CACNA1E: variants seen among roughly 807,000 people sequenced by gnomAD.
The protein encoded by CACNA1E is calcium voltage-gated channel subunit alpha1 E.
In CACNA1E, 40 loss-of-function variants were observed where a neutral mutation model predicts 259.2. That is an observed-to-expected ratio of 0.15 (90% CI 0.12 to 0.20). The LOEUF (loss-of-function observed/expected upper bound fraction) is 0.20, where lower values mean the gene tolerates loss of function less well. Among genes scored for constraint, CACNA1E ranks in the 10% least tolerant of loss-of-function variants. The pLI, the probability that CACNA1E is intolerant of heterozygous loss-of-function variation, is 1.00. For missense variants in CACNA1E, 1,874 were observed against 3,040.1 expected (o/e 0.62, Z 9.02); for synonymous variants, 1,104 against 1,138.5 (o/e 0.97, Z 0.61).
chr1:181,653,586 A>G (rs976741872), intron 7 of CACNA1E, among the ~76,000 whole-genome samples: 3 of 152,178 alleles, frequency 2.0e-5, no homozygotes, highest in African/African-American at 7.2e-5. Context: ...GCTCTAAAGG[A>G]GAATTGATTT....
intron 1 of CACNA1E, among the ~76,000 whole-genome samples, chr1:181,391,921 C>G (rs5005881): frequency 2.0e-5 from 2 of 101,112 alleles, no homozygotes; most frequent in Non-Finnish European, 4.0e-5. Context: ...CTTTCTCTCT[C>G]TCTGTCTCTC....
At chr1:181,390,901 G>A (rs567881614) in intron 1 of CACNA1E, among the ~76,000 whole-genome samples, 1 of 152,180 alleles carries the variant, frequency 6.6e-6, no homozygotes, top group Non-Finnish European at 1.5e-5. Flanking sequence ...GATGCCCGAG[G>A]CTTCATGAAG....
chr1:181,650,885 A>C (rs1386834328), intron 6 of CACNA1E, among the ~76,000 whole-genome samples: 1 of 152,174 alleles, frequency 6.6e-6, no homozygotes, highest in Non-Finnish European at 1.5e-5. Context: ...GACGCAGAGG[A>C]CCCTAAAATG....
At chr1:181,411,478 C>G (rs140271470) in intron 1 of CACNA1E, among the ~76,000 whole-genome samples, 2 of 152,328 alleles carry the variant, frequency 1.3e-5, no homozygotes, top group Non-Finnish European at 2.9e-5. Context: ...TAAATCCTCT[C>G]TCATGCACAT....
At position 181,771,349 on chromosome 1, in the gene CACNA1E, C is replaced by T; in HGVS notation, c.4938C>T (p.Phe1646=). ...GTCACATCAACCGGCACAACAACTT[C>T]CGGAGTTTCTTTGGGTCCCTAATGC... ...EESHINRHNN[F]RSFFGSLMLL... is the part of the protein sequence containing the mutation. Residue 1646 remains phenylalanine, a synonymous_variant, in exon 36 of 48, where the codon TTC becomes TTT. Transcript: ENST00000367573. The T allele has an allele frequency of 6.2e-7, 1 of 1,603,740 alleles. No homozygotes were observed. Among genetic ancestry groups the T allele is most frequent in the South Asian group, 1.1e-5 (1 of 89,106 alleles).
intron 7 of CACNA1E, among the ~76,000 whole-genome samples, chr1:181,696,503 C>T (rs1458791257): frequency 6.6e-6 from 1 of 152,182 alleles, no homozygotes; most frequent in Non-Finnish European, 1.5e-5. Flanking sequence ...ATAGTTACCC[C>T]TTCAGAAGTA....
chr1:181,743,095 TC>T (rs948182755), intron 25 of CACNA1E, among the ~76,000 whole-genome samples: 3 of 152,204 alleles, frequency 2.0e-5, no homozygotes, highest in African/African-American at 7.2e-5. Flanking sequence ...AAGCCCACCG[TC>T]CCTGCAGGGA....
At chr1:181,611,797 C>T (rs1383411779) in intron 6 of CACNA1E, among the ~76,000 whole-genome samples, 1 of 152,180 alleles carries the variant, frequency 6.6e-6, no homozygotes, top group Non-Finnish European at 1.5e-5. Context: ...CTATGGTTGG[C>T]AGATTTCTTC....
At chr1:181,612,298 A>T (rs1277119005) in intron 6 of CACNA1E, among the ~76,000 whole-genome samples, 1 of 152,174 alleles carries the variant, frequency 6.6e-6, no homozygotes, top group African/African-American at 2.4e-5. Flanking sequence ...CAGTCACGTG[A>T]TGCACTCTCC....
At chr1:181,399,936 CT>C (rs1656971571) in intron 1 of CACNA1E, among the ~76,000 whole-genome samples, 1 of 152,200 alleles carries the variant, frequency 6.6e-6, no homozygotes, top group Non-Finnish European at 1.5e-5. Flanking sequence ...GACATTTAAA[CT>C]GTAAAAATTA....
intron 1 of CACNA1E, among the ~76,000 whole-genome samples, chr1:181,505,341 A>T (rs1439643240): frequency 6.6e-6 from 1 of 151,518 alleles, no homozygotes; most frequent in Non-Finnish European, 1.5e-5. Flanking sequence ...GCAAGACAGA[A>T]TTTTTTCTTG....
Position 181,328,720 on chromosome 1 carries a change from C to T in CACNA1E, c.-15+10597C>T, listed in dbSNP as rs1440095282. ...AAGGCTAGAAAAGCCATCAGACCAC[C>T]ATGCAAGTCTAACCCTGAGTGACAG... On this transcript the variant is annotated intron_variant, in intron 1 of 11. Transcript: ENST00000524607. Among the ~76,000 whole-genome samples, 5 of 152,178 alleles carry T rather than the reference C, an allele frequency of 3.3e-5. No individual in the cohort carries two copies. The South Asian group carries it at 6.2e-4, about 19-fold the overall frequency.
chr1:181,602,001 C>T (rs1283768928), intron 6 of CACNA1E, among the ~76,000 whole-genome samples: 1 of 151,922 alleles, frequency 6.6e-6, no homozygotes, highest in Non-Finnish European at 1.5e-5. Flanking sequence ...AACATTCTTC[C>T]CAGTTATCAG....
chr1:181,722,698 A>G (rs1654520524), intron 16 of CACNA1E, among the ~76,000 whole-genome samples: 1 of 152,206 alleles, frequency 6.6e-6, no homozygotes, highest in Non-Finnish European at 1.5e-5. Flanking sequence ...CAACTGTTAG[A>G]TGCTTTTGGG....
At chr1:181,486,356 G>A (rs184979439) in intron 1 of CACNA1E, among the ~76,000 whole-genome samples, 2 of 152,354 alleles carry the variant, frequency 1.3e-5, no homozygotes, top group African/African-American at 4.8e-5. Flanking sequence ...GTTTAGTGGA[G>A]CCCTGTTGGA....
At chr1:181,325,877 C>T (rs1253395347) in intron 1 of CACNA1E, among the ~76,000 whole-genome samples, 1 of 152,180 alleles carries the variant, frequency 6.6e-6, no homozygotes, top group South Asian at 2.1e-4. Flanking sequence ...GAGGCCGGCG[C>T]TCCCCTCCCA....
At chr1:181,367,955 G>C (rs1654400208) in intron 1 of CACNA1E, among the ~76,000 whole-genome samples, 1 of 152,130 alleles carries the variant, frequency 6.6e-6, no homozygotes, top group African/African-American at 2.4e-5. Flanking sequence ...AATTGGCCAG[G>C]CATGGTAGCT....
chr1:181,631,387 G>A (rs1233357379), intron 6 of CACNA1E, among the ~76,000 whole-genome samples: 1 of 57,742 alleles, frequency 1.7e-5, no homozygotes, highest in Non-Finnish European at 4.9e-5. Flanking sequence ...TTTCTTGCCT[G>A]TATATCATCT....
At chr1:181,536,448 C>T (rs1668176066) in intron 3 of CACNA1E, among the ~76,000 whole-genome samples, 2 of 152,200 alleles carry the variant, frequency 1.3e-5, no homozygotes, top group Admixed American at 6.5e-5. Context: ...TCGAAATGTT[C>T]AATTGCACCA....
Sources: allele counts gnomAD v4.1 joint callset (sites outside exome capture counted in the v4.1 genomes callset), GRCh38; gene constraint gnomAD v4.1.1; transcripts MANE v1.5; gene names NCBI Gene and HGNC (gene_info 2026-07-23, HGNC 2026-07-21).